The following TSPAN8 variants were observed in gnomAD, a reference collection of about 807,000 sequenced individuals.
The protein encoded by TSPAN8 is tetraspanin 8, also known as tetraspanin-8.
In TSPAN8, 21 loss-of-function variants were observed where a neutral mutation model predicts 32.8. The ratio of observed to expected loss-of-function variants is 0.64; its 90% CI spans 0.45 to 0.92. TSPAN8 has a LOEUF of 0.92. TSPAN8 is among the 40% of genes least tolerant of loss of function. The pLI is 0.00. For synonymous variants in TSPAN8, 95 were observed against 94.6 expected (o/e 1.00, Z -0.03); for missense variants, 269 against 281.9 (o/e 0.95, Z 0.33).
At chr12:71,137,739 T>C (rs1332450585) in intron 6 of TSPAN8, among the ~76,000 whole-genome samples, 1 of 152,232 alleles carries the variant, frequency 6.6e-6, no homozygotes, top group Admixed American at 6.5e-5. Flanking sequence ...TGTATCTTCT[T>C]AATTTCTCTC....
chr12:71,154,574 C>G (rs1265912136), intron 2 of TSPAN8, among the ~76,000 whole-genome samples: 1 of 152,016 alleles, frequency 6.6e-6, no homozygotes, highest in South Asian at 2.1e-4. Context: ...TAGCTATTAG[C>G]ACTTTCCAGG....
intron 2 of TSPAN8, among the ~76,000 whole-genome samples, chr12:71,152,243 C>T (rs1224306176): frequency 6.6e-6 from 1 of 152,174 alleles, no homozygotes; most frequent in Non-Finnish European, 1.5e-5. Flanking sequence ...GGATTGAAAT[C>T]TCAGTCAGTC....
intron 2 of TSPAN8, among the ~76,000 whole-genome samples, chr12:71,155,512 G>C (rs990705728): frequency 6.6e-6 from 1 of 152,104 alleles, no homozygotes; most frequent in Non-Finnish European, 1.5e-5. Flanking sequence ...GACTGAGGGA[G>C]AATCAACAGA....
intron 7 of TSPAN8, among the ~76,000 whole-genome samples, chr12:71,131,574 G>A (rs1340464991): frequency 6.6e-6 from 1 of 151,464 alleles, no homozygotes; most frequent in Non-Finnish European, 1.5e-5. Flanking sequence ...AATTCATTGT[G>A]ATTTATAGTG....
At position 71,152,557 on chromosome 12, in the gene TSPAN8, G is replaced by GA. The variant is rs1258756153; in HGVS notation, c.60+5061dup. Among the ~76,000 whole-genome samples the GA allele has an allele frequency of 2.0e-5, 3 of 152,104 alleles. No homozygotes were observed. In the East Asian group the frequency reaches 5.8e-4, roughly 29 times the overall value. Reference sequence around the variant, plus strand: ...TACTATCCCCATTTTTACAGATGAGGACAAATAAAGCACAGAGAGGTTAAC... The same window carrying GA: ...TACTATCCCCATTTTTACAGATGAGGAACAAATAAAGCACAGAGAGGTTAAC... On this transcript the variant is annotated intron_variant, in intron 2 of 8. Coordinates refer to ENST00000247829, the MANE Select transcript of TSPAN8 (RefSeq NM_004616.3).
chr12:71,133,848 C>G (rs1016179682), intron 6 of TSPAN8, among the ~76,000 whole-genome samples: 2 of 152,112 alleles, frequency 1.3e-5, no homozygotes, highest in African/African-American at 4.8e-5. Flanking sequence ...AATTATCCCT[C>G]ATGTTGCTTC....
chr12:71,125,865 A>G (rs1871335257), intron 8 of TSPAN8, among the ~76,000 whole-genome samples: 1 of 133,256 alleles, frequency 7.5e-6, no homozygotes, highest in South Asian at 2.3e-4. Flanking sequence ...CATTTCCAAG[A>G]GGAATAAAAA....
intron 7 of TSPAN8, among the ~76,000 whole-genome samples, chr12:71,132,241 G>A (rs971686066): frequency 6.6e-5 from 10 of 152,126 alleles, no homozygotes; most frequent in Non-Finnish European, 1.5e-4. Context: ...GGAAGGACTT[G>A]GAGTCCTTTC....
At position 71,125,390 on chromosome 12, in the gene TSPAN8, A is replaced by G; in HGVS notation, c.661-3T>C. 1 of 1,610,112 alleles carries G rather than the reference A, an allele frequency of 6.2e-7. No individual in the cohort carries two copies. The highest frequency in any genetic ancestry group is 8.5e-7 in the Non-Finnish European group (1 of 1,178,496). ...ATAGAAAACACCAAACCCAGTATCT[A>G]GAGAACAAAATAACAGGATTAACAT... On this transcript the variant is annotated splice_region_variant and splice_polypyrimidine_tract_variant and intron_variant, in intron 8 of 8. Transcript: ENST00000247829.
chr12:71,134,381 A>G (rs1453133494), intron 6 of TSPAN8, among the ~76,000 whole-genome samples: 1 of 152,236 alleles, frequency 6.6e-6, no homozygotes, highest in African/African-American at 2.4e-5. Flanking sequence ...AGAGCTAGGA[A>G]TGACAATTAA....
intron 4 of TSPAN8, among the ~76,000 whole-genome samples, chr12:71,138,633 C>T (rs1239199273): frequency 6.6e-6 from 1 of 152,176 alleles, no homozygotes; most frequent in African/African-American, 2.4e-5. Context: ...CACCTGGCAT[C>T]TTGTTACATA....
intron 8 of TSPAN8, among the ~76,000 whole-genome samples, chr12:71,127,963 C>G (rs1871396533): frequency 6.6e-6 from 1 of 152,194 alleles, no homozygotes; most frequent in South Asian, 2.1e-4. Context: ...ACTCTTGATT[C>G]ATTTAAATCA....
rs566595060 is a variant in TSPAN8, at chr12:71,150,876, G to A, written c.61-6663C>T. Among the ~76,000 whole-genome samples the A allele has an allele frequency of 2.6e-5, 4 of 152,204 alleles. No homozygotes were observed. The East Asian group carries it at 7.7e-4, about 29-fold the overall frequency. On this transcript the variant is annotated intron_variant, in intron 2 of 8. Coordinates refer to ENST00000247829, the MANE Select transcript of TSPAN8 (RefSeq NM_004616.3). ...CTCTCTCTTGCCTGCCACCATGTAA[G>A]ATGGGACTTTCATCTTCCACCATGA...
chr12:71,157,861 C>A, intron 1 of TSPAN8, 69 bp downstream of exon 1: 1 of 572,922 alleles, frequency 1.7e-6, no homozygotes, highest in Non-Finnish European at 3.1e-6. Context: ...AAAAAATTAA[C>A]CCACACATTT....
At chr12:71,125,844 G>C (rs1176630813) in intron 8 of TSPAN8, among the ~76,000 whole-genome samples, 5 of 152,020 alleles carry the variant, frequency 3.3e-5, no homozygotes, top group Admixed American at 2.6e-4. Flanking sequence ...TTCTCTTGCT[G>C]TAGTTTTAGG....
chr12:71,149,662 C>T (rs1207878913), intron 2 of TSPAN8, among the ~76,000 whole-genome samples: 1 of 152,236 alleles, frequency 6.6e-6, no homozygotes, highest in African/African-American at 2.4e-5. Flanking sequence ...AAATAATACT[C>T]TTATAATTTC....
intron 3 of TSPAN8, among the ~76,000 whole-genome samples, chr12:71,141,630 G>T (rs780096156): frequency 6.6e-6 from 1 of 152,222 alleles, no homozygotes; most frequent in Non-Finnish European, 1.5e-5. Context: ...CCTGGGCAGG[G>T]TGACCCACTG....
At chr12:71,157,234 A>C in intron 2 of TSPAN8, 1 of 171,028 alleles carries the variant, frequency 5.8e-6, no homozygotes, top group Admixed American at 5.9e-5. Context: ...AAGGGCGGGA[A>C]TCAGGACCCG....
chr12:71,139,797 A>G lies in TSPAN8; in HGVS notation c.175T>C (p.Leu59=), dbSNP rs1383238681. ...GSSSYVAVDI[L]IAVGAIIMIL... is the part of the protein sequence containing the mutation. ...ATGATGATGGCACCTACAGCAATCA[A>G]TATGTCCACAGCAACGTAGGAGCTA... Residue 59 remains leucine (L), a synonymous_variant, in exon 4 of 9, where the codon TTG becomes CTG. Coordinates refer to ENST00000247829, the MANE Select transcript of TSPAN8 (RefSeq NM_004616.3). 1.2e-6 allele frequency: 2 copies of G among 1,614,110 alleles called. No individual in the cohort carries two copies. The highest frequency in any genetic ancestry group is 1.7e-5 in the Admixed American group (1 of 60,028).
Sources: allele counts gnomAD v4.1 joint callset (sites outside exome capture counted in the v4.1 genomes callset), GRCh38; gene constraint gnomAD v4.1.1; transcripts MANE v1.5; gene names NCBI Gene and HGNC (gene_info 2026-07-23, HGNC 2026-07-21).